Variants in SH2B3 observed in about 807,000 individuals in gnomAD.
The protein encoded by SH2B3 is SH2B adapter protein 3.
In SH2B3, 43 loss-of-function variants were observed where a neutral mutation model predicts 51.9. The observed-to-expected ratio is 0.83, with a 90% CI of 0.65 to 1.07. The LOEUF is 1.07. Among genes scored for constraint, SH2B3 ranks in the 50% least tolerant of loss-of-function variants. SH2B3 has a pLI of 0.00. For missense variants in SH2B3, 952 were observed against 834.3 expected (o/e 1.14, Z -1.74); for synonymous variants, 396 against 376.0 (o/e 1.05, Z -0.62).
At chr12:111,426,955 C>T (rs1447432040) in intron 2 of SH2B3, among the ~76,000 whole-genome samples, 1 of 152,100 alleles carries the variant, frequency 6.6e-6, no homozygotes, top group Non-Finnish European at 1.5e-5. Context: ...AGTGTATAAC[C>T]CAGCTCCAGG....
rs74163668 is a variant in SH2B3, at chr12:111,447,787, C to T, written c.1368C>T (p.Val456=). The change falls in exon 7 of 8, where the codon GTC becomes GTT. Residue 456 remains valine, a synonymous_variant. Coordinates refer to ENST00000341259, the MANE Select transcript of SH2B3 (RefSeq NM_005475.3). ...TCGAGTGCGGCGCCGCCTGTGATGTCCGGCTCTCCAGCTACGTGGTAGTCG... is the reference window on the plus strand; with the variant it reads ...TCGAGTGCGGCGCCGCCTGTGATGTTCGGCTCTCCAGCTACGTGGTAGTCG... The part of the protein sequence containing the change: ...IPLECGAACD[V]RLSSYVVVVS... 3.6e-4 allele frequency: 584 copies of T among 1,614,158 alleles called. 1 individual carries two copies. In the Middle Eastern group the frequency reaches 0.014, roughly 37 times the overall value.
Position 111,418,720 on chromosome 12 carries a change from C to A in SH2B3, c.575C>A (p.Pro192Gln). The A allele has an allele frequency of 6.7e-7, 1 of 1,485,272 alleles. No homozygotes were observed. Among genetic ancestry groups the A allele is most frequent in the Non-Finnish European group, 8.9e-7 (1 of 1,125,126 alleles). The allele number at this position is 1,485,272 out of a possible 1,614,324, so 92.0% of individuals were successfully genotyped here. A position where few individuals can be genotyped will look rare whatever the true frequency, so the allele number is the denominator to read the frequency against. ...FLPWSLAREP[P>Q]PEALKEAVLR... Reference sequence around the variant, plus strand: ...CCCTGGAGCCTGGCCCGGGAGCCGCCACCCGAGGCGCTGAAGGAGGCGGTG... The same window carrying A: ...CCCTGGAGCCTGGCCCGGGAGCCGCAACCCGAGGCGCTGAAGGAGGCGGTG... The change falls in exon 2 of 8, where the codon CCA (proline) becomes CAA (glutamine). Residue 192 changes from proline to glutamine, a missense_variant. Coordinates refer to ENST00000341259, the MANE Select transcript of SH2B3 (RefSeq NM_005475.3). This position sits in a 1 kb window ranked among gnomAD's most constrained non-coding sequence, Gnocchi z 6.7.
intron 2 of SH2B3, among the ~76,000 whole-genome samples, chr12:111,437,202 G>A (rs1872956770): frequency 6.6e-6 from 1 of 152,212 alleles, no homozygotes; most frequent in African/African-American, 2.4e-5. Context: ...GTGACGGATG[G>A]ATGAGCACTT....
At chr12:111,442,994 A>C (rs1873584408) in intron 2 of SH2B3, among the ~76,000 whole-genome samples, 1 of 152,214 alleles carries the variant, frequency 6.6e-6, no homozygotes, top group African/African-American at 2.4e-5. Flanking sequence ...AGTACCTCGG[A>C]AGACTCTAGA....
At chr12:111,436,504 A>C (rs1593062701) in intron 2 of SH2B3, among the ~76,000 whole-genome samples, 1 of 152,144 alleles carries the variant, frequency 6.6e-6, no homozygotes, top group Non-Finnish European at 1.5e-5. Flanking sequence ...AGCAGGCTGC[A>C]GGGGCCATGT....
chr12:111,440,277 ACTG>A (rs1331428579), intron 2 of SH2B3, among the ~76,000 whole-genome samples: 1 of 152,194 alleles, frequency 6.6e-6, no homozygotes, highest in Non-Finnish European at 1.5e-5. Flanking sequence ...GCTCACACAC[ACTG>A]CTCCTTGCAC....
intron 2 of SH2B3, chr12:111,434,720 C>T: frequency 7.3e-7 from 1 of 1,374,652 alleles, no homozygotes; most frequent in Non-Finnish European, 9.5e-7. Context: ...TCTTGGTTTC[C>T]TTTTTCACTT....
intron 2 of SH2B3, among the ~76,000 whole-genome samples, chr12:111,430,316 C>T (rs1385257438): frequency 2.0e-5 from 3 of 152,176 alleles, no homozygotes; most frequent in Non-Finnish European, 4.4e-5. Flanking sequence ...AAGAAACCCC[C>T]GACCGCGCTG....
chr12:111,417,989 T>C, intron 1 of SH2B3, 130 bp from the exon 2 acceptor site: 2 of 653,888 alleles, frequency 3.1e-6, no homozygotes, highest in South Asian at 4.6e-5. Context: ...CATGTTTCCC[T>C]GCATCTTCAC....
intron 2 of SH2B3, among the ~76,000 whole-genome samples, chr12:111,443,153 C>G (rs1389623907): frequency 6.6e-6 from 1 of 152,234 alleles, no homozygotes; most frequent in Non-Finnish European, 1.5e-5. Flanking sequence ...GCCTCCAGCC[C>G]GTCACATTCC....
At position 111,448,236 on chromosome 12, in the gene SH2B3, C is replaced by T; in HGVS notation, c.1662C>T (p.Asp554=). Residue 554 remains aspartate, a synonymous_variant, in exon 8 of 8, where the codon GAC becomes GAT. Transcript: ENST00000341259. ...HEPVNRARDS[D]YEMDSSSRSH... ...CTGTGAATCGAGCCCGGGACTCGGA[C>T]TACGAAATGGACTCATCCTCCCGGA... 1 of 1,614,160 alleles carries T rather than the reference C, an allele frequency of 6.2e-7. No homozygotes were observed. Among genetic ancestry groups the T allele is most frequent in the Non-Finnish European group, 8.5e-7 (1 of 1,180,022 alleles).
At position 111,418,086 on chromosome 12, in the gene SH2B3, T is replaced by C. The variant is rs967637344; in HGVS notation, c.-27-33T>C. ...TACACCTGCTTGCCCACCTGCTTACTCCTTGTCGCCCCCCCACCCACGTGT... is the reference window on the plus strand; with the variant it reads ...TACACCTGCTTGCCCACCTGCTTACCCCTTGTCGCCCCCCCACCCACGTGT... On this transcript the variant is annotated intron_variant, in intron 1 of 7. Coordinates refer to ENST00000341259, the MANE Select transcript of SH2B3 (RefSeq NM_005475.3). The surrounding 1 kb of genome is among the most constrained non-coding windows in gnomAD (Gnocchi z 6.7). 1 of 1,465,908 alleles carries C rather than the reference T, an allele frequency of 6.8e-7. No homozygotes were observed. 90.8% of individuals were successfully genotyped at this position (1,465,908 alleles called of 1,614,324 possible).
chr12:111,408,997 C>T (rs1445107740), intron 1 of SH2B3, among the ~76,000 whole-genome samples: 8 of 152,200 alleles, frequency 5.3e-5, no homozygotes. Context: ...TGCTAAATTC[C>T]CACTTCTCCC....
chr12:111,419,757 C>T (rs2135551086), intron 2 of SH2B3, among the ~76,000 whole-genome samples: 1 of 152,352 alleles, frequency 6.6e-6, no homozygotes, highest in East Asian at 1.9e-4. Flanking sequence ...TTGGTTGTAG[C>T]TAAGGAACCA....
At chr12:111,445,566 G>A (rs756892767) in intron 2 of SH2B3, among the ~76,000 whole-genome samples, 2 of 152,228 alleles carry the variant, frequency 1.3e-5, no homozygotes, top group African/African-American at 4.8e-5. Flanking sequence ...GTGAGAGGCC[G>A]CAGTGAGCTG....
upstream of SH2B3, among the ~76,000 whole-genome samples, chr12:111,405,400 A>T (rs1870169492): frequency 6.6e-6 from 1 of 152,132 alleles, no homozygotes; most frequent in South Asian, 2.1e-4. The surrounding 1 kb of genome is among the most constrained non-coding windows in gnomAD (Gnocchi z 5.4). Flanking sequence ...CCCTGGGGCG[A>T]TGATGAAAGC....
intron 2 of SH2B3, among the ~76,000 whole-genome samples, chr12:111,428,740 G>A (rs1007560517): frequency 6.6e-6 from 1 of 152,120 alleles, no homozygotes; most frequent in Non-Finnish European, 1.5e-5. Context: ...AGGCACAGGT[G>A]GGCAGCTCCC....
In SH2B3 at chr12:111,418,054, T is replaced by C. The variant is rs2135546253; in HGVS notation, c.-27-65T>C. ...TTCTGCTGTGGTGCCCGGTGTGTAA[T>C]GGGGCCTACACCTGCTTGCCCACCT... On this transcript the variant is annotated intron_variant, in intron 1 of 7. Coordinates refer to ENST00000341259, the MANE Select transcript of SH2B3 (RefSeq NM_005475.3). This position sits in a 1 kb window ranked among gnomAD's most constrained non-coding sequence, Gnocchi z 6.7. The C allele has an allele frequency of 2.4e-6, 3 of 1,233,680 alleles. No individual in the cohort carries two copies. The highest frequency in any genetic ancestry group is 3.3e-6 in the Non-Finnish European group (3 of 915,008). The allele number at this position is 1,233,680 out of a possible 1,614,324, so 76.4% of individuals were successfully genotyped here.
chr12:111,431,516 C>A (rs1872492871), intron 2 of SH2B3, among the ~76,000 whole-genome samples: 1 of 151,650 alleles, frequency 6.6e-6, no homozygotes, highest in Admixed American at 6.6e-5. Context: ...AACAGAAAAA[C>A]CTCCCACAAT....
Sources: allele counts gnomAD v4.1 joint callset (sites outside exome capture counted in the v4.1 genomes callset), GRCh38; gene constraint gnomAD v4.1.1; non-coding constraint Gnocchi (gnomAD v3.1); transcripts MANE v1.5; gene names NCBI Gene and HGNC (gene_info 2026-07-23, HGNC 2026-07-21).